The following CACNA2D3 variants were observed in gnomAD, a reference collection of about 807,000 sequenced individuals.
CACNA2D3 encodes the protein calcium voltage-gated channel auxiliary subunit alpha2delta 3.
A neutral mutation model predicts 160.6 loss-of-function variants in CACNA2D3; 60 were observed. That is an observed-to-expected ratio of 0.37 (90% CI 0.30 to 0.46). The LOEUF is 0.46. Ranked by LOEUF, CACNA2D3 falls within the 20% of genes least tolerant of loss-of-function variation. CACNA2D3 has a pLI of 1.00. For missense variants in CACNA2D3, 1,205 were observed against 1,365.0 expected, an observed-to-expected ratio of 0.88 and a Z score of 1.85; for synonymous variants, 558 against 492.9, an observed-to-expected ratio of 1.13 and a Z score of -1.75.
intron 27 of CACNA2D3, among the ~76,000 whole-genome samples, chr3:54,967,278 C>T (rs982634458): frequency 1.3e-5 from 2 of 152,124 alleles, no homozygotes; most frequent in Non-Finnish European, 2.9e-5. Context: ...TAACAACAGC[C>T]CAAGACCTTT....
intron 22 of CACNA2D3, 80 bp from the exon 23 acceptor site, chr3:54,885,409 G>A (rs946202980): frequency 1.2e-6 from 2 of 1,602,658 alleles, no homozygotes; most frequent in Non-Finnish European, 1.7e-6. Context: ...CCCTTGCCCA[G>A]TTTTCCTGAT....
At position 54,828,860 on chromosome 3, in the gene CACNA2D3, T is replaced by C. The variant is rs563050615; in HGVS notation, c.1399-8299T>C. Among the ~76,000 whole-genome samples, 6 of 152,358 alleles carry C rather than the reference T, an allele frequency of 3.9e-5. No individual in the cohort carries two copies. The East Asian group carries it at 1.2e-3, about 29-fold the overall frequency. On this transcript the variant is annotated intron_variant, in intron 14 of 37. Coordinates refer to ENST00000474759, the MANE Select transcript of CACNA2D3 (RefSeq NM_018398.3). ...ATTCAGTAAGAAGAGGGAAAATGTT[T>C]TGGCTAAAAGCAAAATATCTTTTTT...
intron 2 of CACNA2D3, among the ~76,000 whole-genome samples, chr3:54,191,397 A>ACATCATCATCATCATCATCAT (rs10533577): frequency 3.3e-5 from 5 of 149,902 alleles, no homozygotes; most frequent in South Asian, 2.2e-4. Context: ...TAAAACATCA[A>ACATCATCATCATCATCATCAT]CATCATCATC....
At chr3:54,692,212 G>C (rs140442825) in intron 11 of CACNA2D3, among the ~76,000 whole-genome samples, 1 of 152,294 alleles carries the variant, frequency 6.6e-6, no homozygotes, top group African/African-American at 2.4e-5. Context: ...GATCTCAAGT[G>C]ATCCACCTGC....
chr3:54,621,225 G>A (rs1698980772), intron 9 of CACNA2D3, among the ~76,000 whole-genome samples: 1 of 152,070 alleles, frequency 6.6e-6, no homozygotes, highest in Non-Finnish European at 1.5e-5. Context: ...TAATTACATA[G>A]ACAGGAAAAA....
chr3:54,672,068 C>T (rs148182180), intron 11 of CACNA2D3, among the ~76,000 whole-genome samples: 12 of 152,310 alleles, frequency 7.9e-5, no homozygotes, highest in African/African-American at 2.9e-4. Context: ...CAAAGGAGGT[C>T]CTTGTCCTGC....
At chr3:54,422,264 G>A (rs866046684) in intron 4 of CACNA2D3, among the ~76,000 whole-genome samples, 2 of 152,166 alleles carry the variant, frequency 1.3e-5, no homozygotes, top group African/African-American at 4.8e-5. Context: ...TTTTCAAAAG[G>A]TAACAGCAAT....
chr3:54,635,577 G>A (rs1483435256), intron 10 of CACNA2D3, among the ~76,000 whole-genome samples: 1 of 152,056 alleles, frequency 6.6e-6, no homozygotes, highest in Admixed American at 6.5e-5. Context: ...CATCTATACA[G>A]GAGCTTAAAT....
intron 2 of CACNA2D3, among the ~76,000 whole-genome samples, chr3:54,270,564 T>G (rs1469753898): frequency 6.6e-6 from 1 of 152,216 alleles, no homozygotes; most frequent in African/African-American, 2.4e-5. Context: ...ATCAAGTGGC[T>G]TAAAACGACT....
intron 4 of CACNA2D3, among the ~76,000 whole-genome samples, chr3:54,424,838 T>C (rs931257061): frequency 1.3e-5 from 2 of 152,154 alleles, no homozygotes; most frequent in Admixed American, 6.5e-5. Flanking sequence ...TCCTGCATTC[T>C]CCATATTCCT....
At chr3:54,192,671 G>GGTGTGTGTGTGT (rs147191768) in intron 2 of CACNA2D3, among the ~76,000 whole-genome samples, 23 of 149,694 alleles carry the variant, frequency 1.5e-4, no homozygotes, top group Middle Eastern at 3.4e-3. Flanking sequence ...CCATATGTGA[G>GGTGTGTGTGTGT]GTGTGTGTGT....
rs932310445 is a variant in CACNA2D3, at chr3:54,146,295, T to C, written c.204+22701T>C. ...GCTAACTTCCTTCCAGTCTGTGACCTCCACTACACTCGAGGTGACCTTGGC... is the reference window on the plus strand; with the variant it reads ...GCTAACTTCCTTCCAGTCTGTGACCCCCACTACACTCGAGGTGACCTTGGC... On this transcript the variant is annotated intron_variant, in intron 2 of 37. Coordinates refer to ENST00000474759, the MANE Select transcript of CACNA2D3 (RefSeq NM_018398.3). Among the ~76,000 whole-genome samples, 85 of 152,192 alleles carry C rather than the reference T, an allele frequency of 5.6e-4. 1 individual carries two copies. The highest frequency in any genetic ancestry group is 1.9e-4 in the Non-Finnish European group (13 of 68,040).
rs984643567 is a variant in CACNA2D3 at position 54,488,672 on chromosome 3, C to T, written c.382-14820C>T. Among the ~76,000 whole-genome samples, 11 of 152,212 alleles carry T rather than the reference C, an allele frequency of 7.2e-5. No homozygotes were observed. The South Asian group carries it at 1.5e-3, about 20-fold the overall frequency. On this transcript the variant is annotated intron_variant, in intron 4 of 37. Coordinates refer to ENST00000474759, the MANE Select transcript of CACNA2D3 (RefSeq NM_018398.3). ...CTCCCTTCTCTCTTTCTTCGCATTC[C>T]TTCAACAGTCTCTACTGAGTACCTG...
At chr3:54,820,522 G>C (rs541954828) in intron 14 of CACNA2D3, among the ~76,000 whole-genome samples, 17 of 152,274 alleles carry the variant, frequency 1.1e-4, no homozygotes, top group African/African-American at 4.1e-4. Flanking sequence ...TATAAAATTG[G>C]AGTGGCACTA....
chr3:54,191,652 G>T (rs1456605415), intron 2 of CACNA2D3, among the ~76,000 whole-genome samples: 1 of 152,116 alleles, frequency 6.6e-6, no homozygotes, highest in Non-Finnish European at 1.5e-5. Context: ...CCTCCCTCAT[G>T]GACAGGTTGG....
intron 13 of CACNA2D3, among the ~76,000 whole-genome samples, chr3:54,767,504 T>C (rs898982546): frequency 2.6e-5 from 4 of 152,040 alleles, no homozygotes; most frequent in Non-Finnish European, 5.9e-5. Context: ...TAGACTTGAT[T>C]GGAAAATCCC....
At chr3:54,444,087 C>T (rs1700184642) in intron 4 of CACNA2D3, among the ~76,000 whole-genome samples, 2 of 152,140 alleles carry the variant, frequency 1.3e-5, no homozygotes, top group African/African-American at 4.8e-5. Context: ...ATGGGTATGA[C>T]ACCGCATTTC....
At chr3:54,828,219 C>T (rs188012576) in intron 14 of CACNA2D3, among the ~76,000 whole-genome samples, 8 of 152,134 alleles carry the variant, frequency 5.3e-5, no homozygotes, top group Admixed American at 5.2e-4. Context: ...GTCTAAACCA[C>T]GTTTGTGAAA....
chr3:54,373,461 A>G (rs1005578633), intron 3 of CACNA2D3, among the ~76,000 whole-genome samples: 2 of 152,212 alleles, frequency 1.3e-5, no homozygotes, highest in African/African-American at 2.4e-5. Flanking sequence ...TGTTTTAAAT[A>G]TATACATTTC....
Sources: allele counts gnomAD v4.1 joint callset (sites outside exome capture counted in the v4.1 genomes callset), GRCh38; gene constraint gnomAD v4.1.1; transcripts MANE v1.5; gene names NCBI Gene and HGNC (gene_info 2026-07-23, HGNC 2026-07-21).